Variants in FUCA1 observed in about 807,000 individuals in gnomAD.
FUCA1 encodes alpha-L-fucosidase 1, also known as tissue alpha-L-fucosidase.
A neutral mutation model predicts 56.8 loss-of-function variants in FUCA1; 52 were observed. The ratio of observed to expected loss-of-function variants is 0.92; its 90% confidence interval spans 0.73 to 1.15. FUCA1 has a LOEUF of 1.15. FUCA1 is among the 50% of genes most tolerant of loss of function. The pLI is 0.00. For missense variants in FUCA1, 568 were observed against 592.6 expected (o/e 0.96, Z 0.43); for synonymous variants, 230 against 226.6 (o/e 1.02, Z -0.14).
chr1:23,848,678 C>T lies in FUCA1; in HGVS notation c.1131G>A (p.Val377=). ...EAIYASKPWR[V]QWEKNTTSVW... is the part of the protein sequence containing the mutation. Reference sequence around the variant, plus strand: ...CAGATGTTGTGTTCTTTTCCCATTGCACCCGCCATGGTTTGGAGGCATAGA... The same window carrying T: ...CAGATGTTGTGTTCTTTTCCCATTGTACCCGCCATGGTTTGGAGGCATAGA... Residue 377 remains valine (V), a synonymous_variant, in exon 6 of 8, where the codon GTG becomes GTA. Transcript: ENST00000374479. 2 of 1,614,140 alleles carry T rather than the reference C, an allele frequency of 1.2e-6. No homozygotes were observed. Among genetic ancestry groups the T allele is most frequent in the Non-Finnish European group, 1.7e-6 (2 of 1,180,014 alleles).
At chr1:23,853,315 C>T (rs1377192095) in intron 5 of FUCA1, among the ~76,000 whole-genome samples, 3 of 151,958 alleles carry the variant, frequency 2.0e-5, no homozygotes, top group Non-Finnish European at 2.9e-5. Context: ...AGCGTCTCTG[C>T]CCGGCAGCCA....
At chr1:23,861,112 G>A (rs1476128534) in intron 3 of FUCA1, among the ~76,000 whole-genome samples, 2 of 150,908 alleles carry the variant, frequency 1.3e-5, no homozygotes, top group African/African-American at 2.4e-5. Flanking sequence ...TCACGAGGTC[G>A]GGAGATCGAG....
rs919131789 is a variant in FUCA1 at position 23,867,994 on chromosome 1, G to A, written c.293C>T (p.Pro98Leu). Residue 98 changes from proline (P) to leucine (L), a missense_variant, in exon 1 of 8, where the codon CCG becomes CTG. By Grantham distance (98) the Pro-to-Leu change is moderately conservative. Transcript: ENST00000374479. This position sits in a 1 kb window ranked among gnomAD's most constrained non-coding sequence, Gnocchi z 4.9. Reference protein sequence around the residue: ...QYQRFMRDNYPPGFSYADFGP... With the variant: ...QYQRFMRDNYLPGFSYADFGP... ...GAAGTCGGCGTAGCTGAAGCCGGGC[G>A]GGTAGTTGTCGCGCATGAAGCGCTG... 2 of 1,604,180 alleles carry A rather than the reference G, an allele frequency of 1.2e-6. No individual in the cohort carries two copies. The highest frequency in any genetic ancestry group is 1.7e-6 in the Non-Finnish European group (2 of 1,176,544).
At chr1:23,861,780 G>C (rs1253870091) in intron 3 of FUCA1, among the ~76,000 whole-genome samples, 2 of 152,184 alleles carry the variant, frequency 1.3e-5, no homozygotes, top group African/African-American at 2.4e-5. Flanking sequence ...GACAAGGCTT[G>C]TAAGTAACAG....
At chr1:23,858,280 G>C (rs1451696436) in intron 4 of FUCA1, among the ~76,000 whole-genome samples, 1 of 151,742 alleles carries the variant, frequency 6.6e-6, no homozygotes, top group African/African-American at 2.4e-5. Context: ...TGTTAGCCAG[G>C]ATGGTCTCGA....
chr1:23,847,008 C>G lies in FUCA1; in HGVS notation c.1161-835G>C, dbSNP rs116134854. Among the ~76,000 whole-genome samples, 1,378 of 152,278 alleles carry G rather than the reference C, an allele frequency of 9.0e-3. 18 individuals are homozygous for G. Among genetic ancestry groups the G allele is most frequent in the African/African-American group, 0.032 (1,345 of 41,550 alleles). On this transcript the variant is annotated intron_variant, in intron 6 of 7. Coordinates refer to ENST00000374479, the MANE Select transcript of FUCA1 (RefSeq NM_000147.5). Reference sequence around the variant, plus strand: ...GTGCTGGGATTACAGGCATGAAGCACTGCACAAGGCCACTCATTCCCCTTT... The same window carrying G: ...GTGCTGGGATTACAGGCATGAAGCAGTGCACAAGGCCACTCATTCCCCTTT...
chr1:23,858,286 C>G (rs574364439), intron 4 of FUCA1, among the ~76,000 whole-genome samples: 2 of 152,130 alleles, frequency 1.3e-5, no homozygotes, highest in African/African-American at 4.8e-5. Flanking sequence ...CCAGGATGGT[C>G]TCGATCTCCT....
Position 23,867,592 on chromosome 1 carries a change from A to T in FUCA1, c.389+306T>A. The T allele has an allele frequency of 2.6e-6, 1 of 390,476 alleles. No individual in the cohort carries two copies. The highest frequency in any genetic ancestry group is 3.5e-6 in the Non-Finnish European group (1 of 286,104). The allele number at this position is 390,476 out of a possible 1,614,324, so 24.2% of individuals were successfully genotyped here. A position where few individuals can be genotyped will look rare whatever the true frequency, so the allele number is the denominator to read the frequency against. Reference sequence around the variant, plus strand: ...TGATTTGAAACCCTGGAGTCCTGATAGTGCTGTCAATCTGAAAGGGACATC... The same window carrying T: ...TGATTTGAAACCCTGGAGTCCTGATTGTGCTGTCAATCTGAAAGGGACATC... On this transcript the variant is annotated intron_variant, in intron 1 of 7. Transcript: ENST00000374479. The surrounding 1 kb of genome is among the most constrained non-coding windows in gnomAD (Gnocchi z 4.9).
intron 3 of FUCA1, among the ~76,000 whole-genome samples, chr1:23,861,295 C>A (rs576682459): frequency 7.4e-6 from 1 of 134,970 alleles, no homozygotes; most frequent in East Asian, 2.3e-4. Flanking sequence ...TGTACTCCAG[C>A]CTGGGCGACG....
At chr1:23,854,934 C>T (rs984522422) in intron 4 of FUCA1, among the ~76,000 whole-genome samples, 1 of 152,170 alleles carries the variant, frequency 6.6e-6, no homozygotes, top group African/African-American at 2.4e-5. Context: ...TGGTAAATCA[C>T]TTTTTCTATA....
intron 1 of FUCA1, among the ~76,000 whole-genome samples, chr1:23,865,862 A>G (rs976576670): frequency 6.6e-6 from 1 of 152,212 alleles, no homozygotes; most frequent in African/African-American, 2.4e-5. Flanking sequence ...CCAGCAAAGG[A>G]GGAGGCCCAG....
intron 3 of FUCA1, among the ~76,000 whole-genome samples, chr1:23,860,647 C>CT (rs201252026): frequency 0.089 from 12,691 of 141,850 alleles, 652 homozygotes; most frequent in East Asian, 0.21. Context: ...TCCTTTCTTC[C>CT]TTTTTTTTTT....
At chr1:23,863,332 G>A in intron 2 of FUCA1, 61 bp from the exon 3 acceptor site, 1 of 1,557,442 alleles carries the variant, frequency 6.4e-7, no homozygotes, top group Non-Finnish European at 8.7e-7. Flanking sequence ...TTTATTTTAA[G>A]GAAAATCAGT....
In FUCA1 at chr1:23,868,212, G is replaced by C; in HGVS notation, c.75C>G (p.Ala25=). The part of the protein sequence containing the change: ...LLLLLLFLGA[A]ESVRRAQPPR... Reference sequence around the variant, plus strand: ...GAGGCTGGGCCCGACGCACCGACTCGGCCGCTCCGAGGAAGAGCAGCAGCA... The same window carrying C: ...GAGGCTGGGCCCGACGCACCGACTCCGCCGCTCCGAGGAAGAGCAGCAGCA... The change falls in exon 1 of 8, where the codon GCC becomes GCG. Residue 25 remains alanine (A), a synonymous_variant. Transcript: ENST00000374479. 6.3e-7 allele frequency: 1 copy of C among 1,591,332 alleles called. No individual in the cohort carries two copies.
chr1:23,868,250 G>A lies in FUCA1; in HGVS notation c.37C>T (p.Pro13Ser), dbSNP rs569701574. 107 of 1,558,560 alleles carry A rather than the reference G, an allele frequency of 6.9e-5. No homozygotes were observed. In the Middle Eastern group the frequency reaches 2.3e-3, roughly 34 times the overall value. The change falls in exon 1 of 8, where the codon CCC (proline) becomes TCC (serine). Residue 13 changes from proline (P) to serine (S), a missense_variant. By Grantham distance (74) the Pro-to-Ser change is moderately conservative. Coordinates refer to ENST00000374479, the MANE Select transcript of FUCA1 (RefSeq NM_000147.5). ...AAGAGCAGCAGCAGCAACAGCGCGGGACCCGCCGGCCGCGACCTCATCCCC... is the reference window on the plus strand; with the variant it reads ...AAGAGCAGCAGCAGCAACAGCGCGGAACCCGCCGGCCGCGACCTCATCCCC... ...APGMRSRPAG[P>S]ALLLLLLFLG...
intron 5 of FUCA1, among the ~76,000 whole-genome samples, chr1:23,850,844 T>TA (rs1323761242): frequency 2.4e-4 from 36 of 152,246 alleles, no homozygotes; most frequent in Admixed American, 3.9e-4. Flanking sequence ...AGGCTGGTCT[T>TA]AAACTCCTGC....
chr1:23,850,484 TA>T (rs200219000), intron 5 of FUCA1, among the ~76,000 whole-genome samples: 1 of 151,736 alleles, frequency 6.6e-6, no homozygotes, highest in African/African-American at 2.4e-5. Context: ...TATTATTATT[TA>T]AAAAAAATTT....
At chr1:23,850,869 CTT>C (rs1301390165) in intron 5 of FUCA1, among the ~76,000 whole-genome samples, 1 of 152,126 alleles carries the variant, frequency 6.6e-6, no homozygotes, top group Non-Finnish European at 1.5e-5. Context: ...AAGCAATCCT[CTT>C]GTCTTGGTCT....
At chr1:23,848,495 A>C (rs578085923) in intron 6 of FUCA1, among the ~76,000 whole-genome samples, 154 bp downstream of exon 6, 7 of 152,306 alleles carry the variant, frequency 4.6e-5, no homozygotes, top group Admixed American at 2.6e-4. Flanking sequence ...CCTGAGACAT[A>C]ACTCAAATGG....
Sources: allele counts gnomAD v4.1 joint callset (sites outside exome capture counted in the v4.1 genomes callset), GRCh38; gene constraint gnomAD v4.1.1; non-coding constraint Gnocchi (gnomAD v3.1); transcripts MANE v1.5; gene names NCBI Gene and HGNC (gene_info 2026-07-23, HGNC 2026-07-21).